Variants in NUCB2 observed in about 807,000 individuals in gnomAD.
The protein encoded by NUCB2 is nucleobindin 2.
In NUCB2, 48 loss-of-function variants were observed where a neutral mutation model predicts 57.9. That is an observed-to-expected ratio of 0.83 (90% CI 0.66 to 1.05). The LOEUF (loss-of-function observed/expected upper bound fraction) is 1.05, where lower values mean the gene tolerates loss of function less well. Ranked by LOEUF, NUCB2 falls within the 50% of genes least tolerant of loss-of-function variation. NUCB2 has a pLI of 0.00. For synonymous variants in NUCB2, 139 were observed against 152.1 expected (o/e 0.91, Z 0.64); for missense variants, 442 against 476.2 (o/e 0.93, Z 0.67).
At chr11:17,295,264 G>T (rs567675805) in intron 2 of NUCB2, 60 bp from the exon 3 acceptor site, 2 of 1,416,424 alleles carry the variant, frequency 1.4e-6, no homozygotes, top group South Asian at 2.9e-5. Context: ...CATTCGGAAT[G>T]CATGTATATA....
intron 11 of NUCB2, among the ~76,000 whole-genome samples, chr11:17,323,916 G>A (rs997838883): frequency 6.6e-6 from 1 of 152,120 alleles, no homozygotes; most frequent in African/African-American, 2.4e-5. Context: ...CAGTTGTAAT[G>A]TCTCCTTTTT....
intron 11 of NUCB2, among the ~76,000 whole-genome samples, chr11:17,326,751 A>C (rs998081013): frequency 3.3e-5 from 5 of 152,190 alleles, no homozygotes; most frequent in African/African-American, 1.2e-4. Context: ...TACGACAATT[A>C]CAGTGTTATA....
intron 5 of NUCB2, among the ~76,000 whole-genome samples, chr11:17,309,033 G>A (rs1591422812): frequency 6.6e-6 from 1 of 152,076 alleles, no homozygotes; most frequent in East Asian, 1.9e-4. Flanking sequence ...TATGCATAAG[G>A]CCAGGCATGG....
intron 2 of NUCB2, among the ~76,000 whole-genome samples, chr11:17,339,647 C>T (rs916825722): frequency 7.2e-5 from 11 of 151,858 alleles, no homozygotes; most frequent in African/African-American, 2.7e-4. Context: ...ATGATGGTTT[C>T]CAGCTTCATT....
intron 2 of NUCB2, among the ~76,000 whole-genome samples, chr11:17,348,382 TG>T (rs1952942938): frequency 7.5e-6 from 1 of 132,546 alleles, no homozygotes; most frequent in Non-Finnish European, 1.5e-5. Flanking sequence ...TCACCCAGGC[TG>T]GAGTGCAGTG....
At chr11:17,297,359 C>G (rs1271712556) in intron 4 of NUCB2, among the ~76,000 whole-genome samples, 4 of 152,068 alleles carry the variant, frequency 2.6e-5, no homozygotes, top group Non-Finnish European at 5.9e-5. Context: ...AAGACTGACT[C>G]CCGTTAGGTT....
chr11:17,309,762 A>G, intron 6 of NUCB2, 87 bp downstream of exon 6: 2 of 783,042 alleles, frequency 2.6e-6, no homozygotes, highest in Non-Finnish European at 4.1e-6. Context: ...TGGAAATATA[A>G]CTTTTATATA....
chr11:17,345,537 T>C (rs1591652902), intron 2 of NUCB2, among the ~76,000 whole-genome samples: 1 of 152,072 alleles, frequency 6.6e-6, no homozygotes, highest in Non-Finnish European at 1.5e-5. Flanking sequence ...TGAAACCCCA[T>C]CTCTACTAAA....
downstream of NUCB2, among the ~76,000 whole-genome samples, chr11:17,335,478 G>A (rs79687247): frequency 1.2e-3 from 176 of 152,010 alleles, no homozygotes; most frequent in African/African-American, 3.8e-3. Flanking sequence ...AATTTTTTGA[G>A]TACTAGGCAT....
intron 2 of NUCB2, among the ~76,000 whole-genome samples, chr11:17,341,258 C>A (rs1952239463): frequency 6.6e-6 from 1 of 152,094 alleles, no homozygotes; most frequent in Non-Finnish European, 1.5e-5. Context: ...ATGTCATCTG[C>A]AAACAGGGAC....
Position 17,316,470 on chromosome 11 carries a change from G to T in NUCB2, c.1002+995G>T, listed in dbSNP as rs1216643118. On this transcript the variant is annotated intron_variant, in intron 11 of 13. Coordinates refer to ENST00000529010, the MANE Select transcript of NUCB2 (RefSeq NM_005013.4). The stretch of plus-strand genomic sequence containing the variant: ...TTATATATCCATTTCTCCAAATTTA[G>T]ACCTTTTGGGTAAATTCCAGTATTT... Among the ~76,000 whole-genome samples, 3 of 152,102 alleles carry T rather than the reference G, an allele frequency of 2.0e-5. No homozygotes were observed. The East Asian group carries it at 5.8e-4, about 29-fold the overall frequency.
intron 1 of NUCB2, among the ~76,000 whole-genome samples, chr11:17,277,702 A>G (rs147398138): frequency 1.3e-5 from 2 of 152,336 alleles, no homozygotes; most frequent in East Asian, 1.9e-4. Context: ...GAATATGAAC[A>G]CTAAAAGATA....
chr11:17,280,518 A>G (rs1043273065), intron 1 of NUCB2, among the ~76,000 whole-genome samples: 1 of 152,132 alleles, frequency 6.6e-6, no homozygotes, highest in Non-Finnish European at 1.5e-5. Context: ...TCTTCACCCT[A>G]CCCTGTTTCA....
At chr11:17,312,751 G>A (rs1948687210) in intron 10 of NUCB2, among the ~76,000 whole-genome samples, 1 of 148,852 alleles carries the variant, frequency 6.7e-6, no homozygotes. Context: ...CTGTCACCCA[G>A]GCTGGAGTGC....
exon 3 of NUCB2, chr11:17,349,856 T>G (rs1378404138): frequency 6.6e-6 from 1 of 152,194 alleles, no homozygotes; most frequent in Non-Finnish European, 1.5e-5. Flanking sequence ...GTATGTGATA[T>G]TCCAACAGCA....
At chr11:17,315,277 C>T in intron 10 of NUCB2, 109 bp from the exon 11 acceptor site, 16 of 516,472 alleles carry the variant, frequency 3.1e-5, no homozygotes, top group East Asian at 1.3e-4. Flanking sequence ...TAAGTGAGTC[C>T]TAATTGCTGT....
chr11:17,342,620 G>GT (rs1488921107), intron 2 of NUCB2, among the ~76,000 whole-genome samples: 2 of 150,506 alleles, frequency 1.3e-5, no homozygotes, highest in African/African-American at 4.9e-5. Flanking sequence ...TAGTTGAGTG[G>GT]TTTTGAGTGA....
chr11:17,325,206 T>G (rs1329354714), intron 11 of NUCB2, among the ~76,000 whole-genome samples: 1 of 152,220 alleles, frequency 6.6e-6, no homozygotes, highest in African/African-American at 2.4e-5. Context: ...ATCCATTTGA[T>G]CTATAGTGTA....
Position 17,311,896 on chromosome 11 carries a change from A to G in NUCB2, c.785A>G (p.Asp262Gly). The G allele has an allele frequency of 6.3e-7, 1 of 1,598,958 alleles. No individual in the cohort carries two copies. The highest frequency in any genetic ancestry group is 8.5e-7 in the Non-Finnish European group (1 of 1,170,548). Residue 262 changes from aspartate (D) to glycine (G), a missense_variant, in exon 9 of 14, where the codon GAT (aspartate) becomes GGT (glycine). Transcript: ENST00000529010. ...GATGTCAATAGTGATGGATTCCTGGATGAACAAGAATTAGAAGCCCTATTT... is the reference window on the plus strand; with the variant it reads ...GATGTCAATAGTGATGGATTCCTGGGTGAACAAGAATTAGAAGCCCTATTT... ...LHDVNSDGFL[D>G]EQELEALFTK...
Sources: allele counts gnomAD v4.1 joint callset (sites outside exome capture counted in the v4.1 genomes callset), GRCh38; gene constraint gnomAD v4.1.1; transcripts MANE v1.5; gene names NCBI Gene and HGNC (gene_info 2026-07-23, HGNC 2026-07-21).